The following CTNNA3 variants were observed in gnomAD, a reference collection of about 807,000 sequenced individuals.
CTNNA3 encodes the protein catenin alpha-3.
CTNNA3 carries 76 observed loss-of-function variants against 95.7 expected under a neutral mutation model. That is an observed-to-expected ratio of 0.79 (90% CI 0.66 to 0.96). The LOEUF (loss-of-function observed/expected upper bound fraction) is 0.96, where lower values mean the gene tolerates loss of function less well. Among genes scored for constraint, CTNNA3 ranks in the 40% least tolerant of loss-of-function variants. The pLI is 0.00. For missense variants in CTNNA3, 1,191 were observed against 1,089.8 expected (o/e 1.09, Z -1.31); for synonymous variants, 431 against 374.4 (o/e 1.15, Z -1.74).
intron 11 of CTNNA3, among the ~76,000 whole-genome samples, chr10:66,421,516 C>T (rs1338152096): frequency 1.3e-5 from 2 of 151,654 alleles, no homozygotes; most frequent in East Asian, 1.9e-4. Flanking sequence ...TCACATGTAC[C>T]CCATAAATAT....
intron 7 of CTNNA3, among the ~76,000 whole-genome samples, chr10:66,960,294 T>C (rs1849044526): frequency 6.6e-6 from 1 of 152,144 alleles, no homozygotes; most frequent in Non-Finnish European, 1.5e-5. Flanking sequence ...ACAAAAATCA[T>C]GGAGCATTTT....
chr10:66,823,570 G>A (rs1272587893), intron 7 of CTNNA3, among the ~76,000 whole-genome samples: 1 of 152,038 alleles, frequency 6.6e-6, no homozygotes, highest in African/African-American at 2.4e-5. Context: ...GAGGAGAGTC[G>A]GAAACATCAG....
intron 9 of CTNNA3, among the ~76,000 whole-genome samples, chr10:66,629,506 G>A (rs1310260861): frequency 5.3e-5 from 8 of 152,098 alleles, no homozygotes; most frequent in Non-Finnish European, 7.4e-5. Context: ...TTAAGATTTT[G>A]ATCAGTTTTA....
intron 7 of CTNNA3, among the ~76,000 whole-genome samples, chr10:67,093,670 C>G (rs373531671): frequency 2.0e-5 from 3 of 151,672 alleles, no homozygotes; most frequent in Non-Finnish European, 2.9e-5. Context: ...AACTGAAACT[C>G]CCCCCCAACA....
In CTNNA3 at chr10:66,731,114, A is replaced by G. The variant is rs528948326; in HGVS notation, c.1281+35150T>C. Among the ~76,000 whole-genome samples, 13 of 152,340 alleles carry G rather than the reference A, an allele frequency of 8.5e-5. 1 individual carries two copies. In the South Asian group the frequency reaches 2.5e-3, roughly 29 times the overall value. ...TCCTCTGAAATCCAAGGAAGGCCAT[A>G]TATAAAAACAGGAGCAAATTGCTAG... On this transcript the variant is annotated intron_variant, in intron 9 of 17. Coordinates refer to ENST00000433211, the MANE Select transcript of CTNNA3 (RefSeq NM_013266.4).
At chr10:65,963,570 T>C (rs1047535842) in intron 17 of CTNNA3, among the ~76,000 whole-genome samples, 1 of 152,214 alleles carries the variant, frequency 6.6e-6, no homozygotes, top group Non-Finnish European at 1.5e-5. Context: ...TATGGTTTAT[T>C]ACAGTGTTCT....
intron 15 of CTNNA3, among the ~76,000 whole-genome samples, chr10:66,026,162 T>C (rs1202591668): frequency 6.6e-6 from 1 of 152,174 alleles, no homozygotes; most frequent in Non-Finnish European, 1.5e-5. Flanking sequence ...ACTGAATGTC[T>C]GTGTCATCCT....
At chr10:67,668,863 G>C (rs988388786) in intron 1 of CTNNA3, among the ~76,000 whole-genome samples, 5 of 139,330 alleles carry the variant, frequency 3.6e-5, no homozygotes, top group African/African-American at 1.4e-4. Flanking sequence ...TTTTGAGACG[G>C]AGTCTCACAC....
chr10:67,280,937 A>AG (rs1839375411), intron 5 of CTNNA3, among the ~76,000 whole-genome samples: 1 of 152,030 alleles, frequency 6.6e-6, no homozygotes, highest in African/African-American at 2.4e-5. Context: ...TTCTCCTGTT[A>AG]ATCTGTCTGT....
At chr10:65,999,647 G>T (rs2078732212) in intron 15 of CTNNA3, among the ~76,000 whole-genome samples, 1 of 152,076 alleles carries the variant, frequency 6.6e-6, no homozygotes, top group Admixed American at 6.6e-5. Flanking sequence ...AACTTCAAGA[G>T]GATTCTACAA....
At chr10:67,732,097 A>G (rs1055017983) in intron 1 of CTNNA3, among the ~76,000 whole-genome samples, 11 of 150,980 alleles carry the variant, frequency 7.3e-5, no homozygotes, top group African/African-American at 2.7e-4. Context: ...TTTTTTTTTA[A>G]GCTTAATTGA....
At chr10:67,195,466 G>A (rs923543859) in intron 6 of CTNNA3, among the ~76,000 whole-genome samples, 1 of 138,628 alleles carries the variant, frequency 7.2e-6, no homozygotes, top group African/African-American at 2.5e-5. Flanking sequence ...CTACCATACA[G>A]GACTTTACTT....
At chr10:67,693,056 G>C (rs1371296036) in intron 1 of CTNNA3, among the ~76,000 whole-genome samples, 1 of 152,142 alleles carries the variant, frequency 6.6e-6, no homozygotes, top group African/African-American at 2.4e-5. Flanking sequence ...AAATAAACTT[G>C]ACCTAATCTT....
intron 11 of CTNNA3, among the ~76,000 whole-genome samples, chr10:66,400,965 A>T (rs1444709177): frequency 6.6e-6 from 1 of 152,106 alleles, no homozygotes; most frequent in African/African-American, 2.4e-5. Context: ...GAATTGGAAA[A>T]TGGGGACTAT....
intron 7 of CTNNA3, among the ~76,000 whole-genome samples, chr10:67,093,038 T>G (rs892450497): frequency 6.6e-6 from 1 of 152,020 alleles, no homozygotes; most frequent in African/African-American, 2.4e-5. Context: ...AGAATTACCT[T>G]TCTTGGAAAA....
chr10:67,512,163 A>C (rs949942374), intron 5 of CTNNA3, among the ~76,000 whole-genome samples: 2 of 152,194 alleles, frequency 1.3e-5, no homozygotes, highest in African/African-American at 4.8e-5. Flanking sequence ...GCAAATCAAA[A>C]CAAAATAAGA....
chr10:67,142,430 C>G (rs991327162), intron 7 of CTNNA3, among the ~76,000 whole-genome samples: 1 of 151,980 alleles, frequency 6.6e-6, no homozygotes, highest in African/African-American at 2.4e-5. Flanking sequence ...AATGAGTGAA[C>G]CTGCTGGGTT....
chr10:66,406,361 G>T (rs1306004055), intron 11 of CTNNA3, among the ~76,000 whole-genome samples: 1 of 151,928 alleles, frequency 6.6e-6, no homozygotes, highest in African/African-American at 2.4e-5. Flanking sequence ...ATACTGTGGG[G>T]GTTTTTATGT....
intron 7 of CTNNA3, among the ~76,000 whole-genome samples, chr10:66,859,340 C>CA: frequency 6.6e-6 from 1 of 151,534 alleles, no homozygotes; most frequent in Non-Finnish European, 1.5e-5. Context: ...ACAACCCCAT[C>CA]AAAAAGTGGG....
Sources: allele counts gnomAD v4.1 joint callset (sites outside exome capture counted in the v4.1 genomes callset), GRCh38; gene constraint gnomAD v4.1.1; transcripts MANE v1.5; gene names NCBI Gene and HGNC (gene_info 2026-07-23, HGNC 2026-07-21).